The following LNX1 variants were observed in gnomAD, a reference collection of about 807,000 sequenced individuals.
The protein encoded by LNX1 is E3 ubiquitin-protein ligase LNX.
Under a neutral mutation model 68.4 loss-of-function variants are expected in LNX1, and 54 were observed. The ratio of observed to expected loss-of-function variants is 0.79; its 90% CI spans 0.63 to 0.99. LNX1 has a LOEUF of 0.99. Ranked by LOEUF, LNX1 falls within the 50% of genes least tolerant of loss-of-function variation. The pLI, the probability that LNX1 is intolerant of heterozygous loss-of-function variation, is 0.00. For missense variants in LNX1, 906 were observed against 926.4 expected, an observed-to-expected ratio of 0.98 and a Z score of 0.29; for synonymous variants, 336 against 350.0, an observed-to-expected ratio of 0.96 and a Z score of 0.45.
At chr4:53,488,885 G>A (rs1724501410) in intron 6 of LNX1, among the ~76,000 whole-genome samples, 1 of 152,084 alleles carries the variant, frequency 6.6e-6, no homozygotes, top group African/African-American at 2.4e-5. Context: ...TTCACAACAA[G>A]GTTTGGAAAC....
chr4:53,649,104 T>C (rs1377677402), intron 1 of LNX1, among the ~76,000 whole-genome samples: 1 of 152,244 alleles, frequency 6.6e-6, no homozygotes, highest in African/African-American at 2.4e-5. Context: ...CAAAAGGTTC[T>C]GATTTTACTC....
At chr4:53,641,625 A>G (rs1242621288) in intron 1 of LNX1, among the ~76,000 whole-genome samples, 2 of 152,224 alleles carry the variant, frequency 1.3e-5, no homozygotes, top group Non-Finnish European at 2.9e-5. Context: ...CCATGAAATC[A>G]TCACTGCAAT....
At chr4:53,558,245 G>A (rs1018538049) in intron 2 of LNX1, 19 of 1,232,428 alleles carry the variant, frequency 1.5e-5, no homozygotes, top group Non-Finnish European at 1.9e-5. Flanking sequence ...GCCCAGGAAA[G>A]GAACCAGCCC....
chr4:53,634,631 G>A (rs1245677528), intron 1 of LNX1, among the ~76,000 whole-genome samples: 1 of 151,920 alleles, frequency 6.6e-6, no homozygotes, highest in African/African-American at 2.4e-5. Context: ...CAATCACAGT[G>A]GGGAATTGGC....
At chr4:53,568,017 C>A (rs1171738400) in intron 2 of LNX1, among the ~76,000 whole-genome samples, 4 of 152,076 alleles carry the variant, frequency 2.6e-5, no homozygotes, top group East Asian at 1.9e-4. Flanking sequence ...GCTTACCAAC[C>A]AAAAGGAGTC....
chr4:53,507,467 G>T lies in LNX1; in HGVS notation c.625C>A (p.Arg209=), dbSNP rs199823248. The T allele has an allele frequency of 6.2e-7, 1 of 1,613,830 alleles. No homozygotes were observed. The highest frequency in any genetic ancestry group is 8.5e-7 in the Non-Finnish European group (1 of 1,179,804). Residue 209 remains arginine, a splice_region_variant and synonymous_variant, in exon 4 of 11, where the codon CGG becomes AGG. Coordinates refer to ENST00000263925, the MANE Select transcript of LNX1 (RefSeq NM_001126328.3). ...DSGRSNRTRA[R]PFERSTIRSR... ...CTAATAGTGGATCTCTCAAAGGGCC[G>T]TGCTGAGGAATAGCGACAGGAGGAA...
chr4:53,483,863 T>C lies in LNX1; in HGVS notation c.1351-2009A>G, dbSNP rs542038010. 3.3e-5 allele frequency among the ~76,000 whole-genome samples: 5 copies of C among 152,340 alleles called. No homozygotes were observed. In the East Asian group the frequency reaches 9.6e-4, roughly 29 times the overall value. ...ACTCAGACAATGGTGGTGGAGATAT[T>C]TTCTTCCTGCCTGCTATGGTCTGAA... On this transcript the variant is annotated intron_variant, in intron 6 of 10. Transcript: ENST00000263925.
At chr4:53,605,540 C>T (rs1214135215) in intron 2 of LNX1, among the ~76,000 whole-genome samples, 2 of 152,048 alleles carry the variant, frequency 1.3e-5, no homozygotes, top group Non-Finnish European at 2.9e-5. Flanking sequence ...TAGACTTATC[C>T]ACTCTATATA....
At chr4:53,464,561 A>AAGTT (rs1215038650) in intron 9 of LNX1, among the ~76,000 whole-genome samples, 2 of 152,094 alleles carry the variant, frequency 1.3e-5, no homozygotes, top group Non-Finnish European at 1.5e-5. Flanking sequence ...CTTTTTTTTA[A>AAGTT]AGTTATGAGA....
chr4:53,579,609 C>T (rs1731708378), intron 1 of LNX1, among the ~76,000 whole-genome samples: 2 of 152,076 alleles, frequency 1.3e-5, no homozygotes, highest in African/African-American at 2.4e-5. Flanking sequence ...GAGGGTCATT[C>T]GAGATCGTGT....
intron 2 of LNX1, among the ~76,000 whole-genome samples, chr4:53,539,746 G>A (rs1235310913): frequency 1.3e-5 from 2 of 152,182 alleles, no homozygotes; most frequent in Non-Finnish European, 2.9e-5. Context: ...CTAAATACCA[G>A]GACTGCTGTT....
chr4:53,580,796 T>C (rs1731784298), intron 1 of LNX1, among the ~76,000 whole-genome samples: 1 of 152,210 alleles, frequency 6.6e-6, no homozygotes, highest in African/African-American at 2.4e-5. Flanking sequence ...GAACCATTGC[T>C]ATCTGAGGAA....
At chr4:53,637,333 C>G (rs1734519178) in intron 1 of LNX1, among the ~76,000 whole-genome samples, 1 of 151,238 alleles carries the variant, frequency 6.6e-6, no homozygotes, top group Admixed American at 6.6e-5. Context: ...AAATGAATCT[C>G]TTTGTACCAA....
At chr4:53,596,510 T>G (rs1208082139) in intron 2 of LNX1, among the ~76,000 whole-genome samples, 1 of 152,238 alleles carries the variant, frequency 6.6e-6, no homozygotes, top group African/African-American at 2.4e-5. Flanking sequence ...ACGAGACCTA[T>G]ATCTTATGAC....
intron 2 of LNX1, among the ~76,000 whole-genome samples, chr4:53,543,581 G>A (rs1728901121): frequency 6.6e-6 from 1 of 152,104 alleles, no homozygotes; most frequent in Admixed American, 6.5e-5. Context: ...CTTCCAAGAA[G>A]TAGGAAATAT....
chr4:53,643,117 A>C (rs1734747783), intron 1 of LNX1, among the ~76,000 whole-genome samples: 1 of 152,094 alleles, frequency 6.6e-6, no homozygotes, highest in South Asian at 2.1e-4. Context: ...ATTCAGTCCC[A>C]AATGCTAGTA....
upstream of LNX1, among the ~76,000 whole-genome samples, chr4:53,595,344 G>T (rs572162089): frequency 6.6e-6 from 1 of 152,326 alleles, no homozygotes. Context: ...ACTGTAAAGA[G>T]CCTCGGGAAC....
At chr4:53,483,658 T>C (rs1454014104) in intron 6 of LNX1, among the ~76,000 whole-genome samples, 2 of 152,180 alleles carry the variant, frequency 1.3e-5, no homozygotes, top group East Asian at 3.9e-4. Flanking sequence ...ACAAGGGAGA[T>C]GGAAGAGAGA....
At chr4:53,512,051 G>T (rs1435164373) in intron 2 of LNX1, among the ~76,000 whole-genome samples, 1 of 152,076 alleles carries the variant, frequency 6.6e-6, no homozygotes, top group Admixed American at 6.5e-5. Context: ...TTCATTAATT[G>T]TCCAGTCTGA....
Sources: allele counts gnomAD v4.1 joint callset (sites outside exome capture counted in the v4.1 genomes callset), GRCh38; gene constraint gnomAD v4.1.1; transcripts MANE v1.5; gene names NCBI Gene and HGNC (gene_info 2026-07-23, HGNC 2026-07-21).